PRKG1: variants seen among roughly 807,000 people sequenced by gnomAD.
PRKG1 encodes protein kinase cGMP-dependent 1.
Under a neutral mutation model 88.1 loss-of-function variants are expected in PRKG1, and 35 were observed. That is an observed-to-expected ratio of 0.40 (90% CI 0.30 to 0.53). The LOEUF is 0.53. Among genes scored for constraint, PRKG1 ranks in the 20% least tolerant of loss-of-function variants. The pLI is 0.59. For synonymous variants in PRKG1, 303 were observed against 292.5 expected (o/e 1.04, Z -0.37); for missense variants, 540 against 839.8 (o/e 0.64, Z 4.41).
At chr10:51,166,489 A>G (rs551482404) in intron 2 of PRKG1, among the ~76,000 whole-genome samples, 13 of 152,316 alleles carry the variant, frequency 8.5e-5, no homozygotes, top group African/African-American at 3.1e-4. Context: ...TATTGATGAT[A>G]AAGCTCCCAA....
chr10:51,804,447 A>G lies in PRKG1; in HGVS notation c.593-138A>G, dbSNP rs1564653568. On this transcript the variant is annotated intron_variant, in intron 3 of 17. Transcript: ENST00000373980. ...TAATGAAATAGGATAGCATTGTGATATTAGCTTTAAATGTTTGTAAAAAGT... is the reference window on the plus strand; with the variant it reads ...TAATGAAATAGGATAGCATTGTGATGTTAGCTTTAAATGTTTGTAAAAAGT... 4.3e-5 allele frequency: 27 copies of G among 630,836 alleles called. No individual in the cohort carries two copies. The East Asian group carries it at 7.5e-4, about 17-fold the overall frequency. 39.1% of individuals were successfully genotyped at this position (630,836 alleles called of 1,614,324 possible). A position where few individuals can be genotyped will look rare whatever the true frequency, so the allele number is the denominator to read the frequency against.
chr10:51,153,028 C>G, intron 1 of PRKG1, 136 bp from the exon 2 acceptor site: 1 of 347,636 alleles, frequency 2.9e-6, no homozygotes, highest in Admixed American at 4.5e-5. Context: ...GTTCTCCAGT[C>G]TTCCAGAAAA....
chr10:51,368,134 T>C (rs1464807293), intron 2 of PRKG1, among the ~76,000 whole-genome samples: 1 of 152,050 alleles, frequency 6.6e-6, no homozygotes, highest in African/African-American at 2.4e-5. Context: ...TATCTAATAT[T>C]CCTAGCTACA....
intron 3 of PRKG1, among the ~76,000 whole-genome samples, chr10:51,582,728 A>C (rs1187359778): frequency 1.3e-5 from 2 of 152,050 alleles, no homozygotes; most frequent in Non-Finnish European, 2.9e-5. Flanking sequence ...GGTTGGTTCC[A>C]TGTCTTTGCT....
At chr10:51,652,816 C>G (rs187471536) in intron 3 of PRKG1, among the ~76,000 whole-genome samples, 110 of 152,262 alleles carry the variant, frequency 7.2e-4, no homozygotes. Flanking sequence ...CAACAGATCA[C>G]TACAACCTAT....
chr10:52,269,218 T>C (rs527378791), intron 10 of PRKG1, among the ~76,000 whole-genome samples: 37 of 152,226 alleles, frequency 2.4e-4, no homozygotes, highest in Non-Finnish European at 4.4e-4. Flanking sequence ...CTCTGAATTG[T>C]AGTACTCTAA....
chr10:52,086,010 T>C (rs1206900674), intron 7 of PRKG1, among the ~76,000 whole-genome samples: 1 of 152,160 alleles, frequency 6.6e-6, no homozygotes, highest in Non-Finnish European at 1.5e-5. Flanking sequence ...CCTGAATTAC[T>C]TTTTTTCTCC....
chr10:51,278,065 A>G (rs1485655624), intron 2 of PRKG1, among the ~76,000 whole-genome samples: 1 of 152,186 alleles, frequency 6.6e-6, no homozygotes, highest in Non-Finnish European at 1.5e-5. Flanking sequence ...GTTTTTGCCC[A>G]TTCATTATGA....
intron 1 of PRKG1, among the ~76,000 whole-genome samples, chr10:51,064,019 G>A (rs887411830): frequency 6.6e-6 from 1 of 152,042 alleles, no homozygotes; most frequent in African/African-American, 2.4e-5. Flanking sequence ...CTCTTGTCAT[G>A]TGATGCTTTG....
intron 2 of PRKG1, among the ~76,000 whole-genome samples, chr10:51,431,817 G>C (rs1181182443): frequency 6.6e-6 from 1 of 151,962 alleles, no homozygotes; most frequent in African/African-American, 2.4e-5. Context: ...CTATTTTTTA[G>C]TATATTTTAA....
At chr10:52,151,986 C>T (rs779544728) in intron 8 of PRKG1, among the ~76,000 whole-genome samples, 44 of 152,100 alleles carry the variant, frequency 2.9e-4, no homozygotes, top group Non-Finnish European at 4.4e-4. Flanking sequence ...CTAAGTGTTT[C>T]AAATCACTTT....
At chr10:52,209,497 C>T (rs1011798757) in intron 9 of PRKG1, among the ~76,000 whole-genome samples, 1 of 152,008 alleles carries the variant, frequency 6.6e-6, no homozygotes. Context: ...ATGTCAAGGG[C>T]CTCATTTAAT....
chr10:51,696,510 G>A (rs887026451), intron 3 of PRKG1: 2 of 151,878 alleles, frequency 1.3e-5, no homozygotes, highest in African/African-American at 2.4e-5. Context: ...AGATTATTGG[G>A]TTTCATCAGA....
At chr10:51,703,363 C>T (rs1451652906) in intron 3 of PRKG1, among the ~76,000 whole-genome samples, 1 of 152,102 alleles carries the variant, frequency 6.6e-6, no homozygotes, top group Admixed American at 6.5e-5. Flanking sequence ...GTGTACGGGT[C>T]CTTCAAGGAA....
chr10:51,338,487 G>T (rs985441981), intron 2 of PRKG1, among the ~76,000 whole-genome samples: 2 of 152,130 alleles, frequency 1.3e-5, no homozygotes, highest in Non-Finnish European at 2.9e-5. Flanking sequence ...CTGGTAGGAG[G>T]GAGGAAGTGG....
intron 7 of PRKG1, among the ~76,000 whole-genome samples, chr10:52,093,650 TGC>T (rs1399309037): frequency 1.3e-5 from 2 of 152,192 alleles, no homozygotes; most frequent in African/African-American, 2.4e-5. Context: ...AGATAGCTCT[TGC>T]AAAAAATTTT....
intron 1 of PRKG1, among the ~76,000 whole-genome samples, chr10:51,143,377 A>C (rs1445434160): frequency 6.6e-6 from 1 of 152,090 alleles, no homozygotes; most frequent in African/African-American, 2.4e-5. Context: ...TTATTCATTC[A>C]TGCATTGATG....
At position 52,286,819 on chromosome 10, in the gene PRKG1, T is replaced by C. The variant is rs184391887; in HGVS notation, c.1710-1907T>C. Among the ~76,000 whole-genome samples, 79 of 152,016 alleles carry C rather than the reference T, an allele frequency of 5.2e-4. 2 individuals carry two copies. In the East Asian group the frequency reaches 8.5e-3, roughly 16 times the overall value. The stretch of plus-strand genomic sequence containing the variant: ...CTGAAATTTAGCATTTCTCTCCATT[T>C]TACTCCTCAGTTTAGCTAAAGTAAA... On this transcript the variant is annotated intron_variant, in intron 14 of 17. Coordinates refer to ENST00000373980, the MANE Select transcript of PRKG1 (RefSeq NM_006258.4).
chr10:51,984,781 C>T (rs1844109713), intron 5 of PRKG1, among the ~76,000 whole-genome samples: 1 of 151,950 alleles, frequency 6.6e-6, no homozygotes, highest in Non-Finnish European at 1.5e-5. Flanking sequence ...TAGTTGGGGC[C>T]TAATCGTTCT....
Sources: gnomAD v4.1 joint callset for allele counts (sites outside exome capture counted in the v4.1 genomes callset) on GRCh38, gnomAD v4.1.1 for gene constraint, MANE v1.5 for transcripts, NCBI Gene and HGNC (gene_info 2026-07-23, HGNC 2026-07-21) for gene names.